Variants in CEP250 observed in about 807,000 individuals in gnomAD.
CEP250 encodes centrosomal protein 250, also known as centrosome-associated protein CEP250.
A neutral mutation model predicts 315.7 loss-of-function variants in CEP250; 242 were observed. The ratio of observed to expected loss-of-function variants is 0.77; its 90% CI spans 0.69 to 0.85. CEP250 has a LOEUF of 0.85. CEP250 is among the 40% of genes least tolerant of loss of function. CEP250 has a pLI of 0.00. For missense variants in CEP250, 2,515 were observed against 2,886.4 expected (o/e 0.87, Z 2.95); for synonymous variants, 1,088 against 1,175.0 (o/e 0.93, Z 1.51).
rs372990292 is a variant in CEP250 at position 35,480,135 on chromosome 20, G to T, written c.2576G>T (p.Arg859Leu). 1 of 1,611,376 alleles carries T rather than the reference G, an allele frequency of 6.2e-7. No homozygotes were observed. Among genetic ancestry groups the T allele is most frequent in the East Asian group, 2.2e-5 (1 of 44,842 alleles). Residue 859 changes from arginine (R) to leucine (L), a missense_variant, in exon 20 of 35, where the codon CGG (arginine) becomes CTG (leucine). Coordinates refer to ENST00000397527, the MANE Select transcript of CEP250 (RefSeq NM_007186.6). ...AAHEKEVNQL[R>L]EKWEKERSWH... ...CATGAGAAAGAGGTGAACCAGCTCCGGGAGAAATGGGTAAGTGGTCAATGT... is the reference window on the plus strand; with the variant it reads ...CATGAGAAAGAGGTGAACCAGCTCCTGGAGAAATGGGTAAGTGGTCAATGT...
rs755041741 is a variant in CEP250, at chr20:35,502,857, C to A, written c.4488C>A (p.Val1496=). 1 of 1,614,098 alleles carries A rather than the reference C, an allele frequency of 6.2e-7. No individual in the cohort carries two copies. Among genetic ancestry groups the A allele is most frequent in the Admixed American group, 1.7e-5 (1 of 60,008 alleles). Residue 1496 remains valine (V), a synonymous_variant, in exon 30 of 35, where the codon GTC becomes GTA. Transcript: ENST00000397527. ...RSVLEHLPMA[V]QEREQKLTVQ... is the part of the protein sequence containing the mutation. ...TTTTAGAGCATCTGCCCATGGCCGT[C>A]CAGGAGCGAGAGCAGAAGCTGACTG...
At chr20:35,463,716 A>T (rs2062809948) in intron 5 of CEP250, 85 bp downstream of exon 5, 1 of 1,106,960 alleles carries the variant, frequency 9.0e-7, no homozygotes, top group South Asian at 2.0e-5. Context: ...GGGAGGTTGG[A>T]GTGTACAAGT....
Position 35,507,850 on chromosome 20 carries a change from A to G in CEP250, c.6749A>G (p.Glu2250Gly). 1 of 1,607,494 alleles carries G rather than the reference A, an allele frequency of 6.2e-7. No homozygotes were observed. The highest frequency in any genetic ancestry group is 2.2e-5 in the East Asian group (1 of 44,694). ...GGGGAGCAGGGTGTGCAGCTGGGAG[A>G]GGTGAGCTGGGGGCTCTGGGGGAAC... ...SRGEQGVQLG[E>G]VSGVEAEPSP... The change falls in exon 31 of 35, where the codon GAG becomes GGG. Residue 2250 changes from glutamate (E) to glycine (G), a missense_variant and splice_region_variant. By Grantham distance (98) the Glu-to-Gly change is moderately conservative. Transcript: ENST00000397527.
At chr20:35,472,297 C>T in intron 11 of CEP250, 146 bp downstream of exon 11, 1 of 629,202 alleles carries the variant, frequency 1.6e-6, no homozygotes, top group East Asian at 2.7e-5. Context: ...GTTTGAAGAC[C>T]AGAACCCTAA....
At position 35,456,079 on chromosome 20, in the gene CEP250, G is replaced by T. The variant is rs151262650; in HGVS notation, c.-298+328G>T. On this transcript the variant is annotated intron_variant, in intron 1 of 34. Coordinates refer to ENST00000397527, the MANE Select transcript of CEP250 (RefSeq NM_007186.6). ...CCCGGCTAATTTTATGTTTTTAGTA[G>T]AGACGGGGTTTCTCCATGTTGGTCA... 2.5e-3 allele frequency among the ~76,000 whole-genome samples: 384 copies of T among 152,298 alleles called. 7 individuals are homozygous for T. The East Asian group carries it at 0.07, about 28-fold the overall frequency.
Position 35,500,063 on chromosome 20 carries a change from T to C in CEP250, c.3792T>C (p.Asp1264=). 1 of 1,614,030 alleles carries C rather than the reference T, an allele frequency of 6.2e-7. No individual in the cohort carries two copies. The highest frequency in any genetic ancestry group is 2.2e-5 in the East Asian group (1 of 44,874). The change falls in exon 28 of 35, where the codon GAT becomes GAC. Residue 1264 remains aspartate, a synonymous_variant. Transcript: ENST00000397527. ...TCCTTTCCCAGGATGTTCTGAGGGA[T>C]CAGGTCCAGAAACTGGAAGAGCGTC... ...KTQQTRDVLR[D]QVQKLEERLT... is the part of the protein sequence containing the mutation.
At chr20:35,508,400 C>T (rs563776114) in intron 32 of CEP250, among the ~76,000 whole-genome samples, 36 of 152,084 alleles carry the variant, frequency 2.4e-4, no homozygotes, top group African/African-American at 8.7e-4. Flanking sequence ...CTGCAACCTC[C>T]ACCTCCCGGG....
intron 25 of CEP250, 109 bp from the exon 26 acceptor site, chr20:35,497,610 C>A: frequency 1.3e-6 from 1 of 776,792 alleles, no homozygotes; most frequent in Non-Finnish European, 2.1e-6. Context: ...TGAAATCCTC[C>A]CAGCCCTGAT....
chr20:35,511,294 C>T, intron 34 of CEP250, 69 bp from the exon 35 acceptor site: 1 of 1,336,880 alleles, frequency 7.5e-7, no homozygotes, highest in South Asian at 1.3e-5. Flanking sequence ...GAACACAGAG[C>T]AGGAAGAGCT....
intron 34 of CEP250, 60 bp from the exon 35 acceptor site, chr20:35,511,303 C>A: frequency 7.0e-7 from 1 of 1,426,990 alleles, no homozygotes; most frequent in Non-Finnish European, 9.6e-7. Context: ...GCAGGAAGAG[C>A]TGGGACAACT....
rs2063183752 is a variant in CEP250 at position 35,476,692 on chromosome 20, G to A, written c.1863+97G>A. Reference sequence around the variant, plus strand: ...AATGTAGGTCTGAAATGAGCAAAAGGAACATTTACAATGCAGAGGAGAGCA... The same window carrying A: ...AATGTAGGTCTGAAATGAGCAAAAGAAACATTTACAATGCAGAGGAGAGCA... On this transcript the variant is annotated intron_variant, in intron 16 of 34. Transcript: ENST00000397527. 3.7e-6 allele frequency: 4 copies of A among 1,091,100 alleles called. No individual in the cohort carries two copies. In the South Asian group the frequency reaches 4.2e-5, roughly 12 times the overall value. The allele number at this position is 1,091,100 out of a possible 1,614,324, so 67.6% of individuals were successfully genotyped here.
At chr20:35,486,205 G>T (rs1487967866) in intron 20 of CEP250, among the ~76,000 whole-genome samples, 1 of 151,344 alleles carries the variant, frequency 6.6e-6, no homozygotes, top group Admixed American at 6.6e-5. Context: ...AGTAGACACT[G>T]GGTTTCACCA....
intron 1 of CEP250, among the ~76,000 whole-genome samples, chr20:35,457,959 G>GA (rs1260995740): frequency 6.6e-6 from 1 of 152,200 alleles, no homozygotes; most frequent in Non-Finnish European, 1.5e-5. Flanking sequence ...GAGAGCAACA[G>GA]AGAGGCCCCA....
chr20:35,502,307 A>T (rs540971507), intron 29 of CEP250, 83 bp from the exon 30 acceptor site: 14 of 1,264,132 alleles, frequency 1.1e-5, no homozygotes, highest in Non-Finnish European at 1.1e-6. Flanking sequence ...CTAGTGCCAC[A>T]AAATAAGAAA....
intron 28 of CEP250, among the ~76,000 whole-genome samples, chr20:35,500,460 G>C (rs1568826413): frequency 6.6e-6 from 1 of 152,122 alleles, no homozygotes; most frequent in Non-Finnish European, 1.5e-5. Flanking sequence ...GAGCCACCGG[G>C]GTCTCTAGGA....
Position 35,504,103 on chromosome 20 carries a change from G to T in CEP250, c.5734G>T (p.Glu1912Ter). ...GTTGGCCCTCCAGCAGCAGTGTGCT[G>T]AGCAGGCACAGGAGCATGAGGTGGA... ...ALLALQQQCAEQAQEHEVETR... is the reference protein window; with the variant it reads ...ALLALQQQCA The change falls in exon 30 of 35, where the codon GAG becomes TAG. Residue 1912 changes from glutamate (E) to a stop codon, truncating the protein, a stop_gained. Transcript: ENST00000397527. LOFTEE classifies it high-confidence loss of function. 2.5e-6 allele frequency: 4 copies of T among 1,612,858 alleles called. No individual in the cohort carries two copies. Among genetic ancestry groups the T allele is most frequent in the Non-Finnish European group, 3.4e-6 (4 of 1,179,288 alleles).
chr20:35,502,402 T>C lies in CEP250; in HGVS notation c.4033T>C (p.Leu1345=), dbSNP rs896027147. 5 of 1,611,982 alleles carry C rather than the reference T, an allele frequency of 3.1e-6. No individual in the cohort carries two copies. In the African/African-American group the frequency reaches 6.7e-5, roughly 22 times the overall value. The change falls in exon 30 of 35, where the codon TTA becomes CTA. Residue 1345 remains leucine (L), a synonymous_variant. Coordinates refer to ENST00000397527, the MANE Select transcript of CEP250 (RefSeq NM_007186.6). Reference sequence around the variant, plus strand: ...TCTTGTCTTCTAGGGTGAGCGAGAGTTACTTCAGGCAGCCAAGGAGAACCT... The same window carrying C: ...TCTTGTCTTCTAGGGTGAGCGAGAGCTACTTCAGGCAGCCAAGGAGAACCT... ...QRMEAQGERE[L]LQAAKENLTA... is the part of the protein sequence containing the mutation.
intron 28 of CEP250, 152 bp from the exon 29 acceptor site, chr20:35,501,693 A>G (rs2064007904): frequency 2.5e-6 from 2 of 796,952 alleles, no homozygotes; most frequent in Non-Finnish European, 1.9e-6. Context: ...GATGTCCTTG[A>G]TATCTCTAGG....
At chr20:35,508,330 C>G in intron 32 of CEP250, 140 bp downstream of exon 32, 5 of 913,614 alleles carry the variant, frequency 5.5e-6, no homozygotes, top group Non-Finnish European at 4.9e-6. Context: ...TTTTTTTTTC[C>G]CGAGACAGAG....
Sources: gnomAD v4.1 joint callset for allele counts (sites outside exome capture counted in the v4.1 genomes callset) on GRCh38, gnomAD v4.1.1 for gene constraint, MANE v1.5 for transcripts, NCBI Gene and HGNC (gene_info 2026-07-23, HGNC 2026-07-21) for gene names.